The following CBY1 variants were observed in gnomAD, a reference collection of about 807,000 sequenced individuals.
The protein encoded by CBY1 is protein chibby homolog 1.
A neutral mutation model predicts 15.6 loss-of-function variants in CBY1; 10 were observed. That is an observed-to-expected ratio of 0.64 (90% CI 0.40 to 1.09). The LOEUF (loss-of-function observed/expected upper bound fraction) is 1.09, where lower values mean the gene tolerates loss of function less well. CBY1 is among the 50% of genes least tolerant of loss of function. CBY1 has a pLI of 0.01. For missense variants in CBY1, 150 were observed against 160.5 expected, an observed-to-expected ratio of 0.93 and a Z score of 0.35; for synonymous variants, 61 against 63.5, an observed-to-expected ratio of 0.96 and a Z score of 0.19.
chr22:38,656,832 C>G (rs1177993353), intron 1 of CBY1, 82 bp downstream of exon 1: 1 of 152,190 alleles, frequency 6.6e-6, no homozygotes, highest in East Asian at 1.9e-4. Flanking sequence ...GTCCGGGCCT[C>G]GCCTGGAGAG....
At chr22:38,664,905 G>C (rs992613477) in intron 1 of CBY1, among the ~76,000 whole-genome samples, 58 of 152,040 alleles carry the variant, frequency 3.8e-4, no homozygotes, top group African/African-American at 1.4e-3. Flanking sequence ...GTGTGCAGTG[G>C]TGATCACAGC....
chr22:38,672,941 G>A (rs1377142149), intron 4 of CBY1, among the ~76,000 whole-genome samples: 1 of 152,122 alleles, frequency 6.6e-6, no homozygotes, highest in East Asian at 1.9e-4. Flanking sequence ...GGGTGACAGC[G>A]TGCTGACAGA....
chr22:38,670,163 G>C (rs991827583), intron 2 of CBY1: 1 of 152,250 alleles, frequency 6.6e-6, no homozygotes, highest in Non-Finnish European at 1.5e-5. Flanking sequence ...CTGGGAGGCA[G>C]AGGTTGCAGT....
intron 1 of CBY1, among the ~76,000 whole-genome samples, chr22:38,663,313 G>T (rs2145780732): frequency 6.6e-6 from 1 of 151,984 alleles, no homozygotes; most frequent in East Asian, 1.9e-4. Flanking sequence ...AAATTAGCTG[G>T]ATGTGGTGGT....
rs143584672 is a variant in CBY1 at position 38,660,651 on chromosome 22, C to T, written c.-39+3901C>T. Reference sequence around the variant, plus strand: ...ACACACACACACACACACACGCAGACGCATATACACCTTCAGCCAACTGAT... The same window carrying T: ...ACACACACACACACACACACGCAGATGCATATACACCTTCAGCCAACTGAT... On this transcript the variant is annotated intron_variant, in intron 1 of 4. Coordinates refer to ENST00000216029, the MANE Select transcript of CBY1 (RefSeq NM_015373.4). Among the ~76,000 whole-genome samples the T allele has an allele frequency of 4.6e-5, 7 of 152,070 alleles. No individual in the cohort carries two copies. In the East Asian group the frequency reaches 5.8e-4, roughly 13 times the overall value.
At chr22:38,671,250 T>A (rs2092451685) in intron 4 of CBY1, 62 bp downstream of exon 4, 1 of 1,236,724 alleles carries the variant, frequency 8.1e-7, no homozygotes, top group East Asian at 2.3e-5. Flanking sequence ...CCACCTCGAG[T>A]CACTTAATCC....
At position 38,671,109 on chromosome 22, in the gene CBY1, A is replaced by G; in HGVS notation, c.224A>G (p.Gln75Arg). ...GGCGGTGTGGACCGGAGGGAGGTTC[A>G]GCGCCTTCGCAGGCGGAACCAGCAG... ...VSGGVDRREVQRLRRRNQQLE... is the reference protein window; with the variant it reads ...VSGGVDRREVRRLRRRNQQLE... The change falls in exon 4 of 5, where the codon CAG (glutamine) becomes CGG (arginine). Residue 75 changes from glutamine to arginine, a missense_variant. Transcript: ENST00000216029. The G allele has an allele frequency of 6.2e-7, 1 of 1,614,256 alleles. No homozygotes were observed. Among genetic ancestry groups the G allele is most frequent in the Non-Finnish European group, 8.5e-7 (1 of 1,180,034 alleles).
chr22:38,672,225 G>A (rs2092454423), intron 4 of CBY1, among the ~76,000 whole-genome samples: 1 of 150,580 alleles, frequency 6.6e-6, no homozygotes, highest in Non-Finnish European at 1.5e-5. Context: ...TCGCGCCACT[G>A]TACTCTAGCC....
intron 1 of CBY1, among the ~76,000 whole-genome samples, chr22:38,660,124 C>T (rs1313167085): frequency 6.6e-6 from 1 of 152,028 alleles, no homozygotes; most frequent in Non-Finnish European, 1.5e-5. Context: ...TCTTTTTCTT[C>T]ACATCCTCAT....
intron 1 of CBY1, among the ~76,000 whole-genome samples, chr22:38,658,256 T>G (rs5757215): frequency 0.43 from 65,180 of 150,130 alleles, 14,863 homozygotes; most frequent in African/African-American, 0.6. Context: ...CTCCTGAGTA[T>G]CTGGGACAAC....
At chr22:38,664,302 T>C (rs1048767136) in intron 1 of CBY1, among the ~76,000 whole-genome samples, 1 of 151,672 alleles carries the variant, frequency 6.6e-6, no homozygotes, top group Non-Finnish European at 1.5e-5. Context: ...CGAAACCCTG[T>C]CTCTATTAAA....
At chr22:38,660,639 C>G (rs1365336288) in intron 1 of CBY1, among the ~76,000 whole-genome samples, 3 of 152,056 alleles carry the variant, frequency 2.0e-5, no homozygotes, top group Non-Finnish European at 4.4e-5. Context: ...CACACACACA[C>G]ACACACGCAG....
intron 4 of CBY1, among the ~76,000 whole-genome samples, chr22:38,672,878 T>C (rs957294011): frequency 2.0e-5 from 3 of 152,194 alleles, no homozygotes; most frequent in African/African-American, 4.8e-5. Context: ...GTATCTGCCT[T>C]TGACGTCCTC....
intron 1 of CBY1, among the ~76,000 whole-genome samples, chr22:38,660,489 C>A (rs925992528): frequency 8.6e-5 from 13 of 152,000 alleles, no homozygotes; most frequent in Non-Finnish European, 1.9e-4. Context: ...GCCACCACAC[C>A]AGGCCGAAAA....
chr22:38,670,446 G>C (rs773034847), intron 2 of CBY1: 1 of 155,844 alleles, frequency 6.4e-6, no homozygotes, highest in Admixed American at 6.2e-5. Context: ...TTGTACTGTC[G>C]CACGTTAAGA....
intron 1 of CBY1, among the ~76,000 whole-genome samples, chr22:38,657,677 G>T (rs1342842067): frequency 6.6e-6 from 1 of 152,208 alleles, no homozygotes; most frequent in East Asian, 1.9e-4. Flanking sequence ...GAATTAGTGC[G>T]GTCATGAGTA....
At chr22:38,669,193 T>C (rs1409440154) in intron 2 of CBY1, among the ~76,000 whole-genome samples, 1 of 152,110 alleles carries the variant, frequency 6.6e-6, no homozygotes, top group African/African-American at 2.4e-5. Flanking sequence ...ATTTTATTAG[T>C]TCCCCGTTAT....
At chr22:38,660,795 T>C (rs950187383) in intron 1 of CBY1, among the ~76,000 whole-genome samples, 3 of 394 alleles carry the variant, frequency 7.6e-3, no homozygotes. Flanking sequence ...TGGAGCGCAA[T>C]GACACGATCT....
chr22:38,661,224 A>G (rs2092421436), intron 1 of CBY1, among the ~76,000 whole-genome samples: 1 of 152,024 alleles, frequency 6.6e-6, no homozygotes, highest in East Asian at 1.9e-4. Flanking sequence ...CCCAGGCTGG[A>G]GCGCAGTGGT....
Sources: allele counts gnomAD v4.1 joint callset (sites outside exome capture counted in the v4.1 genomes callset), GRCh38; gene constraint gnomAD v4.1.1; transcripts MANE v1.5; gene names NCBI Gene and HGNC (gene_info 2026-07-23, HGNC 2026-07-21).